Variants in YIF1B observed in about 807,000 individuals in gnomAD.
YIF1B encodes the protein protein YIF1B.
In YIF1B, 24 loss-of-function variants were observed where a neutral mutation model predicts 34.6. That is an observed-to-expected ratio of 0.69 (90% confidence interval 0.50 to 0.98). The LOEUF is 0.98. YIF1B is among the 50% of genes least tolerant of loss of function. The probability of loss-of-function intolerance (pLI) is 0.00; values close to 1 mark genes in which losing one functional copy is unlikely to be tolerated. For missense variants in YIF1B, 368 were observed against 429.4 expected (o/e 0.86, Z 1.26); for synonymous variants, 186 against 184.8 (o/e 1.01, Z -0.05).
chr19:38,307,558 C>A, intron 6 of YIF1B, 37 bp from the exon 7 acceptor site: 1 of 1,613,676 alleles, frequency 6.2e-7, no homozygotes, highest in Non-Finnish European at 8.5e-7. Context: ...AGGACAAGGC[C>A]CAAGGGCTGG....
chr19:38,304,201 G>A lies in YIF1B; in HGVS notation c.*1151C>T. 6.2e-7 allele frequency: 1 copy of A among 1,603,832 alleles called. No individual in the cohort carries two copies. The highest frequency in any genetic ancestry group is 1.3e-5 in the African/African-American group (1 of 74,902). ...GGCAGGTCTCAGCGCTCCTCCCCCT[G>A]CTCCGCTCCTCTGCAGGGCCCAGGC... is the stretch of plus-strand genomic sequence containing the variant. On this transcript the variant is annotated 3_prime_UTR_variant, in exon 8 of 8. Transcript: ENST00000339413.
In YIF1B at chr19:38,307,697, G is replaced by C; in HGVS notation, c.595C>G (p.Leu199Val). 1 of 1,613,382 alleles carries C rather than the reference G, an allele frequency of 6.2e-7. No homozygotes were observed. The highest frequency in any genetic ancestry group is 8.5e-7 in the Non-Finnish European group (1 of 1,180,000). The change falls in exon 6 of 8, where the codon CTG (leucine) becomes GTG (valine). Residue 199 changes from leucine (L) to valine (V), a missense_variant. This residue lies in a region of YIF1B where 208 missense variants were observed against 247.8 expected (regional missense o/e 0.84). Transcript: ENST00000339413. ...CTGAGCAGGATGGCCAGCACCTCCA[G>C]GGTCAGCCAGGCCAGGGCTGAGCTC... is the stretch of plus-strand genomic sequence containing the variant. ...QASSALAWLT[L>V]EVLAILLSLY...
intron 1 of YIF1B, among the ~76,000 whole-genome samples, chr19:38,314,217 T>TG (rs1969442867): frequency 1.5e-5 from 2 of 132,934 alleles, no homozygotes; most frequent in Non-Finnish European, 3.2e-5. Flanking sequence ...TTTTTTGAGA[T>TG]GGAGTCTCAC....
Position 38,310,063 on chromosome 19 carries a change from T to A in YIF1B, c.59-420A>T, listed in dbSNP as rs184806119. The A allele has an allele frequency of 3.0e-3, 615 of 207,808 alleles. 5 individuals are homozygous for A. Among genetic ancestry groups the A allele is most frequent in the African/African-American group, 0.014 (590 of 41,180 alleles). 12.9% of individuals were successfully genotyped at this position (207,808 alleles called of 1,614,324 possible). On this transcript the variant is annotated intron_variant, in intron 1 of 7. Coordinates refer to ENST00000339413, the MANE Select transcript of YIF1B (RefSeq NM_001039672.3). ...ATGCATTCATCTGTCCATCCATTCA[T>A]CCATCCACCCATCCATCCATCCACC... is the stretch of plus-strand genomic sequence containing the variant.
At chr19:38,314,981 G>C (rs1043117552) in intron 1 of YIF1B, among the ~76,000 whole-genome samples, 2 of 151,916 alleles carry the variant, frequency 1.3e-5, no homozygotes, top group African/African-American at 4.8e-5. Context: ...CTTCCATGCC[G>C]GGTGCGGTGG....
At chr19:38,315,952 C>T, upstream of YIF1B, 2 of 1,398,376 alleles carry the variant, frequency 1.4e-6, no homozygotes, top group South Asian at 1.6e-5. Context: ...CGGTTCGGAG[C>T]GTGCCCGCCC....
intron 1 of YIF1B, 198 bp downstream of exon 1, chr19:38,315,662 G>A: frequency 6.3e-7 from 1 of 1,584,626 alleles, no homozygotes; most frequent in Non-Finnish European, 8.6e-7. Context: ...CCAGTCCCAA[G>A]TTGTTTTCTT....
At position 38,308,707 on chromosome 19, in the gene YIF1B, C is replaced by T. The variant is rs1054930778; in HGVS notation, c.539+85G>A. 27 of 1,559,310 alleles carry T rather than the reference C, an allele frequency of 1.7e-5. No individual in the cohort carries two copies. In the Admixed American group the frequency reaches 2.7e-4, roughly 15 times the overall value. On this transcript the variant is annotated intron_variant, in intron 5 of 7. Coordinates refer to ENST00000339413, the MANE Select transcript of YIF1B (RefSeq NM_001039672.3). ...AAGTGGGGCTGTCCTGAAAGGGGAA[C>T]TGAGACCTTGGAACTGAGACCTTCC... is the stretch of plus-strand genomic sequence containing the variant.
At chr19:38,308,456 G>T (rs955853079) in intron 5 of YIF1B, among the ~76,000 whole-genome samples, 1 of 152,088 alleles carries the variant, frequency 6.6e-6, no homozygotes, top group African/African-American at 2.4e-5. Flanking sequence ...CCTCAGACAG[G>T]ACCATCCTGG....
At chr19:38,319,489 A>G (rs557008503), upstream of YIF1B, among the ~76,000 whole-genome samples, 1 of 152,262 alleles carries the variant, frequency 6.6e-6, no homozygotes, top group African/African-American at 2.4e-5. Context: ...TGGAGCGAGA[A>G]TTGGATTTCA....
chr19:38,316,615 G>A (rs572023087), upstream of YIF1B, among the ~76,000 whole-genome samples: 29 of 152,334 alleles, frequency 1.9e-4, no homozygotes, highest in African/African-American at 6.7e-4. Context: ...AAGGAAAAGA[G>A]AAACATTTGT....
At position 38,315,881 on chromosome 19, in the gene YIF1B, T is replaced by G; in HGVS notation, c.37A>C (p.Thr13Pro). ...GTACGCCACTTACGCAGCCGGGGCGTCCCCGCAGCCGCCGCCGCCAAGCCT... is the reference window on the plus strand; with the variant it reads ...GTACGCCACTTACGCAGCCGGGGCGGCCCCGCAGCCGCCGCCGCCAAGCCT... ...PAGLAAAAAG[T>P]PRLRKWPSKR... Residue 13 changes from threonine to proline, a missense_variant, in exon 1 of 8, where the codon ACG becomes CCG. Coordinates refer to ENST00000339413, the MANE Select transcript of YIF1B (RefSeq NM_001039672.3). 4 of 1,482,426 alleles carry G rather than the reference T, an allele frequency of 2.7e-6. No homozygotes were observed. The highest frequency in any genetic ancestry group is 3.6e-6 in the Non-Finnish European group (4 of 1,125,950). 91.8% of individuals were successfully genotyped at this position (1,482,426 alleles called of 1,614,324 possible). A position where few individuals can be genotyped will look rare whatever the true frequency, so the allele number is the denominator to read the frequency against.
At chr19:38,308,695 C>G (rs1449173088) in intron 5 of YIF1B, 97 bp downstream of exon 5, 1 of 1,505,484 alleles carries the variant, frequency 6.6e-7, no homozygotes, top group Admixed American at 1.7e-5. Context: ...TGGGGCTGTC[C>G]TGAAAGGGGA....
rs1968954210 is a variant in YIF1B at position 38,305,268 on chromosome 19, T to C, written c.*84A>G. On this transcript the variant is annotated 3_prime_UTR_variant, in exon 8 of 8. Coordinates refer to ENST00000339413, the MANE Select transcript of YIF1B (RefSeq NM_001039672.3). ...GCCTGTGGCCAGACAGGGTGGACCT[T>C]GGGGCCTGCAGGCAGGAGATGAGTT... 1 of 1,526,274 alleles carries C rather than the reference T, an allele frequency of 6.6e-7. No individual in the cohort carries two copies. Among genetic ancestry groups the C allele is most frequent in the South Asian group, 1.2e-5 (1 of 80,302 alleles). The allele number at this position is 1,526,274 out of a possible 1,614,324, so 94.5% of individuals were successfully genotyped here. A position where few individuals can be genotyped will look rare whatever the true frequency, so the allele number is the denominator to read the frequency against.
rs79297344 is a variant in YIF1B at position 38,304,914 on chromosome 19, A to G, written c.*438T>C. The G allele has an allele frequency of 2.9e-5, 45 of 1,558,414 alleles. No homozygotes were observed. In the Admixed American group the frequency reaches 3.2e-4, roughly 11 times the overall value. ...GGCCAAGAAGCCCAAAGTGAAGAAG[A>G]AGGAGAAGGGCAAGAAGGAGAAGGG... On this transcript the variant is annotated 3_prime_UTR_variant, in exon 8 of 8. Transcript: ENST00000339413.
chr19:38,304,404 G>GT lies in YIF1B; in HGVS notation c.*947dup. ...GGAGCCCACCTCCCAGAAGCCCGGT[G>GT]TGGGGGCGGGCCACGGGGGAGATCC... is the stretch of plus-strand genomic sequence containing the variant. On this transcript the variant is annotated 3_prime_UTR_variant, in exon 8 of 8. Coordinates refer to ENST00000339413, the MANE Select transcript of YIF1B (RefSeq NM_001039672.3). 6.4e-7 allele frequency: 1 copy of GT among 1,570,558 alleles called. No homozygotes were observed. The highest frequency in any genetic ancestry group is 1.3e-5 in the African/African-American group (1 of 74,308).
At chr19:38,311,290 A>G (rs533797361) in intron 1 of YIF1B, among the ~76,000 whole-genome samples, 33 of 151,982 alleles carry the variant, frequency 2.2e-4, no homozygotes, top group Non-Finnish European at 3.8e-4. Context: ...CTGTCTCAAA[A>G]AAAAAAAACA....
At position 38,308,848 on chromosome 19, in the gene YIF1B, T is replaced by G; in HGVS notation, c.483A>C (p.Ala161=). 1 of 1,613,906 alleles carries G rather than the reference T, an allele frequency of 6.2e-7. No individual in the cohort carries two copies. Among genetic ancestry groups the G allele is most frequent in the Non-Finnish European group, 8.5e-7 (1 of 1,179,900 alleles). ...CCAAAACGTAGGTGATGAAAGCCAT[T>G]GCTGTGGGAGACAGACACACAGACA... ...DVNAPDLYIP[A]MAFITYVLVA... Residue 161 remains alanine (A), a splice_region_variant and synonymous_variant, in exon 5 of 8, where the codon GCA becomes GCC. Coordinates refer to ENST00000339413, the MANE Select transcript of YIF1B (RefSeq NM_001039672.3).
chr19:38,317,622 C>G (rs1394436440), upstream of YIF1B, among the ~76,000 whole-genome samples: 1 of 152,040 alleles, frequency 6.6e-6, no homozygotes, highest in Non-Finnish European at 1.5e-5. Flanking sequence ...CTCTGTCGCC[C>G]AGGCTGGAGT....
Sources: gnomAD v4.1 joint callset for allele counts (sites outside exome capture counted in the v4.1 genomes callset) on GRCh38, gnomAD v4.1.1 for gene constraint, gnomAD v4.1.1 regional missense constraint, MANE v1.5 for transcripts, NCBI Gene and HGNC (gene_info 2026-07-23, HGNC 2026-07-21) for gene names.